ABL1: variants seen among roughly 807,000 people sequenced by gnomAD.
The protein encoded by ABL1 is ABL proto-oncogene 1, non-receptor tyrosine kinase.
ABL1 carries 11 observed loss-of-function variants against 94.7 expected under a neutral mutation model. The observed-to-expected ratio is 0.12, with a 90% confidence interval of 0.07 to 0.19. The LOEUF (loss-of-function observed/expected upper bound fraction) is 0.19. Ranked by LOEUF, ABL1 falls within the 10% of genes least tolerant of loss-of-function variation. ABL1 has a pLI of 1.00. For synonymous variants in ABL1, 656 were observed against 622.4 expected, an observed-to-expected ratio of 1.05 and a Z score of -0.80; for missense variants, 1,082 against 1,489.4, an observed-to-expected ratio of 0.73 and a Z score of 4.50.
intron 8 of ABL1, 86 bp from the exon 9 acceptor site, chr9:130,879,982 C>A: frequency 7.9e-7 from 1 of 1,273,110 alleles, no homozygotes; most frequent in Non-Finnish European, 1.1e-6. Flanking sequence ...ATGTTGCTTT[C>A]ATTCTAGACT....
At chr9:130,727,126 T>C (rs1831596547) in intron 1 of ABL1, among the ~76,000 whole-genome samples, 2 of 152,216 alleles carry the variant, frequency 1.3e-5, no homozygotes, top group Admixed American at 6.5e-5. Flanking sequence ...AAAGTTTGTG[T>C]TGTTGCATGT....
chr9:130,824,251 G>A (rs891640158), intron 1 of ABL1, among the ~76,000 whole-genome samples: 8 of 152,186 alleles, frequency 5.3e-5, no homozygotes, highest in African/African-American at 1.9e-4. Flanking sequence ...CCAGTGATGT[G>A]GATTCCAGTC....
upstream of ABL1, among the ~76,000 whole-genome samples, chr9:130,832,712 T>C (rs1222370617): frequency 1.3e-5 from 2 of 152,220 alleles, no homozygotes; most frequent in Non-Finnish European, 1.5e-5. Flanking sequence ...CAGTCTTTAA[T>C]TTCTTTCCTT....
intron 1 of ABL1, among the ~76,000 whole-genome samples, chr9:130,778,468 CGTGTGCCTTGGCTGGCTGCCGCTTCATAT>C (rs1829700407): frequency 6.6e-6 from 1 of 152,180 alleles, no homozygotes; most frequent in Non-Finnish European, 1.5e-5. Flanking sequence ...GTGGGTCAGG[CGTGTGCCTTGGCTGGCTGCCGCTTCATAT>C]ACAGACGTAT....
intron 8 of ABL1, 97 bp downstream of exon 8, chr9:130,878,664 G>A: frequency 1.4e-6 from 2 of 1,445,270 alleles, no homozygotes; most frequent in Non-Finnish European, 1.9e-6. Flanking sequence ...GTTTTTCCAT[G>A]AGCTCTCTCC....
chr9:130,740,960 C>T (rs1351641406), intron 1 of ABL1, among the ~76,000 whole-genome samples: 3 of 151,572 alleles, frequency 2.0e-5, no homozygotes, highest in Non-Finnish European at 4.4e-5. Flanking sequence ...TCACTTATCA[C>T]TGTGAGGAGT....
chr9:130,871,036 G>A (rs1831242830), intron 4 of ABL1, among the ~76,000 whole-genome samples: 1 of 152,176 alleles, frequency 6.6e-6, no homozygotes, highest in African/African-American at 2.4e-5. Flanking sequence ...ATAGAAAGTT[G>A]ATCAAGCCTT....
chr9:130,768,011 C>A (rs1588231662), intron 1 of ABL1, among the ~76,000 whole-genome samples: 1 of 152,152 alleles, frequency 6.6e-6, no homozygotes, highest in East Asian at 1.9e-4. Context: ...AGATTTCCAT[C>A]GTAATTTTTT....
At chr9:130,800,142 G>A (rs1830036133) in intron 1 of ABL1, among the ~76,000 whole-genome samples, 2 of 152,078 alleles carry the variant, frequency 1.3e-5, no homozygotes, top group African/African-American at 4.8e-5. Flanking sequence ...AAAGTGCTGG[G>A]ATTACAGACG....
rs1484333997 is a variant in ABL1 at position 130,854,789 on chromosome 9, C to T, written c.254-12C>T. The T allele has an allele frequency of 1.9e-6, 3 of 1,608,372 alleles. No homozygotes were observed. In the East Asian group the frequency reaches 6.7e-5, roughly 36 times the overall value. On this transcript the variant is annotated splice_polypyrimidine_tract_variant and intron_variant, in intron 2 of 10. Coordinates refer to ENST00000318560, the MANE Select transcript of ABL1 (RefSeq NM_005157.6). ...AAAGCTGATATGTCTGATTTGGTTC[C>T]TTTCTTCTCAGGTGAAAAGCTCCGG...
chr9:130,887,298 C>G lies in ABL1; in HGVS notation c.*1615C>G, dbSNP rs2133044215. The G allele has an allele frequency of 4.3e-6, 1 of 233,302 alleles. No individual in the cohort carries two copies. The highest frequency in any genetic ancestry group is 5.6e-5 in the Admixed American group (1 of 17,804). The allele number at this position is 233,302 out of a possible 1,614,324, so 14.5% of individuals were successfully genotyped here. On this transcript the variant is annotated 3_prime_UTR_variant, in exon 11 of 11. Transcript: ENST00000318560. ...GTTTTATGCGGTTCTTACAGCACAT[C>G]ACCTCTTTGCCCCCGACGGCTGTGA...
chr9:130,765,697 A>G (rs577638103), intron 1 of ABL1, among the ~76,000 whole-genome samples: 8 of 152,220 alleles, frequency 5.3e-5, no homozygotes, highest in East Asian at 1.9e-4. Flanking sequence ...TAGAGGCACA[A>G]TTAGACCTGA....
At position 130,864,665 on chromosome 9, in the gene ABL1, T is replaced by TG. The variant is rs559393357; in HGVS notation, c.822+1632dup. 1.2e-3 allele frequency among the ~76,000 whole-genome samples: 176 copies of TG among 152,194 alleles called. 1 individual carries two copies. Among genetic ancestry groups the TG allele is most frequent in the Non-Finnish European group, 1.9e-3 (128 of 68,014 alleles). On this transcript the variant is annotated intron_variant, in intron 4 of 10. Transcript: ENST00000318560. Reference sequence around the variant, plus strand: ...AGAGTTCTTCATCTGAGACATAGGGTGGTCCAGGTAGTAGGAGGAAGAAGG... The same window carrying TG: ...AGAGTTCTTCATCTGAGACATAGGGTGGGTCCAGGTAGTAGGAGGAAGAAGG...
At chr9:130,742,598 A>G (rs1315414644) in intron 1 of ABL1, among the ~76,000 whole-genome samples, 2 of 152,166 alleles carry the variant, frequency 1.3e-5, no homozygotes, top group African/African-American at 4.8e-5. Context: ...TAAACTTGGT[A>G]ATTTGGTAAA....
intron 1 of ABL1, chr9:130,714,532 A>G: frequency 6.4e-7 from 1 of 1,572,246 alleles, no homozygotes; most frequent in East Asian, 2.2e-5. Flanking sequence ...TTTGAACAAC[A>G]GTACTTGCGA....
At chr9:130,833,958 T>G, upstream of ABL1, 2 of 451,052 alleles carry the variant, frequency 4.4e-6, no homozygotes, top group Admixed American at 4.7e-5. Flanking sequence ...TCCAATGCTT[T>G]AATCCACTTG....
intron 1 of ABL1, among the ~76,000 whole-genome samples, chr9:130,728,691 G>GTT (rs34768457): frequency 0.26 from 38,170 of 147,226 alleles, 6,777 homozygotes; most frequent in East Asian, 0.52. Context: ...CGCCCAGCCT[G>GTT]TTTTTTTTTT....
At chr9:130,743,700 G>GGGC (rs1393246970) in intron 1 of ABL1, among the ~76,000 whole-genome samples, 1 of 152,124 alleles carries the variant, frequency 6.6e-6, no homozygotes, top group African/African-American at 2.4e-5. Flanking sequence ...GGGTTTCCTA[G>GGGC]GGCTATTATG....
intron 10 of ABL1, among the ~76,000 whole-genome samples, chr9:130,881,064 G>A (rs1831444593): frequency 6.6e-6 from 1 of 152,368 alleles, no homozygotes; most frequent in East Asian, 1.9e-4. Flanking sequence ...GCTCGCTGCA[G>A]CCAGGTGGAA....
Sources: allele counts gnomAD v4.1 joint callset (sites outside exome capture counted in the v4.1 genomes callset), GRCh38; gene constraint gnomAD v4.1.1; transcripts MANE v1.5; gene names NCBI Gene and HGNC (gene_info 2026-07-23, HGNC 2026-07-21).